LRP12: variants seen among roughly 807,000 people sequenced by gnomAD.
LRP12 encodes low-density lipoprotein receptor-related protein 12.
In LRP12, 14 loss-of-function variants were observed where a neutral mutation model predicts 66.0. That is an observed-to-expected ratio of 0.21 (90% CI 0.14 to 0.33). LRP12 has a LOEUF of 0.33. LRP12 is among the 10% of genes least tolerant of loss of function. LRP12 has a pLI of 1.00. For synonymous variants in LRP12, 357 were observed against 359.1 expected, an observed-to-expected ratio of 0.99 and a Z score of 0.07; for missense variants, 889 against 1,053.4, an observed-to-expected ratio of 0.84 and a Z score of 2.16.
intron 1 of LRP12, among the ~76,000 whole-genome samples, chr8:104,588,382 C>A (rs1812368909): frequency 6.6e-6 from 1 of 152,178 alleles, no homozygotes; most frequent in Non-Finnish European, 1.5e-5. Flanking sequence ...GGTGAGAGAA[C>A]TTCCTAACCC....
At chr8:104,520,617 A>G (rs1167030234) in intron 2 of LRP12, among the ~76,000 whole-genome samples, 1 of 152,018 alleles carries the variant, frequency 6.6e-6, no homozygotes, top group African/African-American at 2.4e-5. Context: ...GTTTGCATGA[A>G]GAGTAAAGAA....
At chr8:104,542,957 G>A (rs1050061469) in intron 1 of LRP12, among the ~76,000 whole-genome samples, 4 of 148,944 alleles carry the variant, frequency 2.7e-5, no homozygotes, top group African/African-American at 1.0e-4. Flanking sequence ...AAAAGTTTGT[G>A]AAAGACATAT....
chr8:104,575,040 C>A (rs182883439), intron 1 of LRP12, among the ~76,000 whole-genome samples: 4 of 151,756 alleles, frequency 2.6e-5, no homozygotes, highest in African/African-American at 9.7e-5. Flanking sequence ...GAGGGAACAG[C>A]GTGTATAAAG....
At chr8:104,520,259 G>A (rs149174507) in intron 2 of LRP12, among the ~76,000 whole-genome samples, 107 of 152,084 alleles carry the variant, frequency 7.0e-4, no homozygotes, top group Non-Finnish European at 1.3e-3. Flanking sequence ...AAGGGCTTAT[G>A]AGGGCAATTT....
At chr8:104,577,671 C>T (rs945585742) in intron 1 of LRP12, among the ~76,000 whole-genome samples, 20 of 151,720 alleles carry the variant, frequency 1.3e-4, no homozygotes, top group South Asian at 8.3e-4. Flanking sequence ...ATTAGCTGGG[C>T]GTGGTGGTGG....
At chr8:104,496,628 G>A (rs1371673865) in intron 5 of LRP12, among the ~76,000 whole-genome samples, 1 of 151,994 alleles carries the variant, frequency 6.6e-6, no homozygotes, top group Non-Finnish European at 1.5e-5. Context: ...TTTGAACATA[G>A]CATATAGAAT....
intron 1 of LRP12, among the ~76,000 whole-genome samples, chr8:104,544,547 C>T (rs577751843): frequency 6.6e-6 from 1 of 152,274 alleles, no homozygotes; most frequent in Admixed American, 6.5e-5. Flanking sequence ...CTGTTGCAGG[C>T]TAATGCAGCT....
At chr8:104,533,314 A>G (rs1811352674) in intron 1 of LRP12, among the ~76,000 whole-genome samples, 1 of 152,122 alleles carries the variant, frequency 6.6e-6, no homozygotes, top group South Asian at 2.1e-4. Context: ...CACAAAAATT[A>G]TAAAAACAGG....
intron 1 of LRP12, among the ~76,000 whole-genome samples, chr8:104,547,841 CTA>C (rs140600161): frequency 0.15 from 17,660 of 119,026 alleles, 1,330 homozygotes; most frequent in Middle Eastern, 0.18. Flanking sequence ...ATATATAATT[CTA>C]TGTTATATTT....
At chr8:104,541,062 T>C (rs1268353808) in intron 1 of LRP12, among the ~76,000 whole-genome samples, 1 of 152,226 alleles carries the variant, frequency 6.6e-6, no homozygotes, top group Non-Finnish European at 1.5e-5. Context: ...CTTTGGGAGT[T>C]CAGTGTTTTT....
intron 2 of LRP12, among the ~76,000 whole-genome samples, chr8:104,512,487 C>A (rs1208664290): frequency 1.3e-5 from 2 of 152,126 alleles, no homozygotes; most frequent in African/African-American, 4.8e-5. Context: ...GAGACTAATA[C>A]AATTTTGAGT....
chr8:104,499,588 CTG>C (rs1339419029), intron 3 of LRP12, 69 bp from the exon 4 acceptor site: 6 of 1,060,094 alleles, frequency 5.7e-6, no homozygotes, highest in Non-Finnish European at 4.2e-6. Flanking sequence ...TACAAAGTAA[CTG>C]AGGATATTAT....
intron 3 of LRP12, among the ~76,000 whole-genome samples, chr8:104,500,800 C>A (rs1810818017): frequency 6.6e-6 from 1 of 151,092 alleles, no homozygotes. Flanking sequence ...ACAAACTATT[C>A]TAGAACTAGT....
intron 2 of LRP12, among the ~76,000 whole-genome samples, chr8:104,526,525 C>A (rs1343980910): frequency 0.011 from 1,671 of 148,748 alleles, 37 homozygotes; most frequent in African/African-American, 0.039. Context: ...AGAAATAATG[C>A]TGCATATCTA....
chr8:104,517,525 G>C (rs1246951617), intron 2 of LRP12, among the ~76,000 whole-genome samples: 1 of 151,948 alleles, frequency 6.6e-6, no homozygotes, highest in African/African-American at 2.4e-5. Flanking sequence ...TGAGGGAAGA[G>C]AAACCAGTGA....
At chr8:104,520,358 GCTA>G (rs766754958) in intron 2 of LRP12, among the ~76,000 whole-genome samples, 28 of 151,996 alleles carry the variant, frequency 1.8e-4, no homozygotes, top group Admixed American at 6.6e-4. Context: ...GCTAAAGCAA[GCTA>G]CTACTATTTC....
intron 1 of LRP12, among the ~76,000 whole-genome samples, chr8:104,534,015 T>G (rs2140864454): frequency 6.8e-6 from 1 of 147,744 alleles, no homozygotes; most frequent in Middle Eastern, 3.7e-3. Context: ...TTTCATGTTT[T>G]AAAATGGAGA....
At chr8:104,496,323 T>G (rs1810725401) in intron 5 of LRP12, among the ~76,000 whole-genome samples, 1 of 152,240 alleles carries the variant, frequency 6.6e-6, no homozygotes, top group Non-Finnish European at 1.5e-5. Context: ...GCTTACTTTT[T>G]GAGCAATGCT....
In LRP12 at chr8:104,499,396, A is replaced by G. The variant is rs758509692; in HGVS notation, c.396T>C (p.Ser132=). 18 of 1,613,478 alleles carry G rather than the reference A, an allele frequency of 1.1e-5. No homozygotes were observed. The highest frequency in any genetic ancestry group is 2.7e-5 in the African/African-American group (2 of 74,928). The change falls in exon 4 of 7, where the codon TCT becomes TCC. Residue 132 remains serine, a synonymous_variant. Transcript: ENST00000276654. The stretch of plus-strand genomic sequence containing the variant: ...ACCTAATCCAGATGTGGTCTTGTGA[A>G]GAGATATACGGAGGTGGAATTGTGG... The part of the protein sequence containing the change: ...CGSTIPPPYI[S]SQDHIWIRFH...
Sources: allele counts gnomAD v4.1 joint callset (sites outside exome capture counted in the v4.1 genomes callset), GRCh38; gene constraint gnomAD v4.1.1; transcripts MANE v1.5; gene names NCBI Gene and HGNC (gene_info 2026-07-23, HGNC 2026-07-21).